The following LINGO1 variants were observed in gnomAD, a reference collection of about 807,000 sequenced individuals.
LINGO1 encodes leucine rich repeat and Ig domain containing 1, also known as leucine-rich repeat and immunoglobulin-like domain-containing nogo receptor-interacting protein 1.
Under a neutral mutation model 37.3 loss-of-function variants are expected in LINGO1, and 11 were observed. That is an observed-to-expected ratio of 0.29 (90% CI 0.19 to 0.49). The LOEUF (loss-of-function observed/expected upper bound fraction) is 0.49. Among genes scored for constraint, LINGO1 ranks in the 20% least tolerant of loss-of-function variants. LINGO1 has a pLI of 0.99. For missense variants in LINGO1, 585 were observed against 878.2 expected (o/e 0.67, Z 4.22); for synonymous variants, 387 against 403.0 (o/e 0.96, Z 0.48).
chr15:77,715,835 C>A (rs1312663893), intron 2 of LINGO1, among the ~76,000 whole-genome samples: 3 of 152,226 alleles, frequency 2.0e-5, no homozygotes, highest in Non-Finnish European at 4.4e-5. Context: ...GCTGGGACCA[C>A]TTCCTCCAGG....
At chr15:77,701,247 G>C (rs1340150725), upstream of LINGO1, among the ~76,000 whole-genome samples, 2 of 152,130 alleles carry the variant, frequency 1.3e-5, no homozygotes, top group East Asian at 3.9e-4. Context: ...AGGCCTGGGG[G>C]GTCTTTTTGG....
Position 77,736,395 on chromosome 15 carries a change from G to A in LINGO1, c.-256-1342C>T, listed in dbSNP as rs555618028. Among the ~76,000 whole-genome samples the A allele has an allele frequency of 3.5e-4, 54 of 152,320 alleles. 1 individual carries two copies. The South Asian group carries it at 0.011, about 30-fold the overall frequency. ...TGTGCCAGACCCTGGGCTGAGTGCT[G>A]TACCTCTTAACTCGTCTGATCCTAT... On this transcript the variant is annotated intron_variant, in intron 1 of 3. Coordinates refer to the LINGO1 transcript ENST00000561686.
At chr15:77,653,320 T>A (rs2074800957) in intron 3 of LINGO1, among the ~76,000 whole-genome samples, 1 of 152,168 alleles carries the variant, frequency 6.6e-6, no homozygotes, top group Non-Finnish European at 1.5e-5. Context: ...CATCTTGAAC[T>A]GACCCTAGAC....
intron 2 of LINGO1, among the ~76,000 whole-genome samples, chr15:77,688,521 A>G (rs1250989466): frequency 6.6e-6 from 1 of 152,158 alleles, no homozygotes; most frequent in East Asian, 1.9e-4. Context: ...TGGGCACTGT[A>G]CTGGGGCCAC....
chr15:77,689,601 G>T (rs546305500), intron 2 of LINGO1, among the ~76,000 whole-genome samples: 6 of 152,274 alleles, frequency 3.9e-5, no homozygotes, highest in Admixed American at 6.5e-5. Flanking sequence ...ACCTCCATGT[G>T]GGGGGTGGGA....
upstream of LINGO1, among the ~76,000 whole-genome samples, chr15:77,699,186 C>T (rs895621510): frequency 5.3e-5 from 8 of 151,940 alleles, no homozygotes; most frequent in African/African-American, 1.9e-4. Context: ...CTTGGTAGTC[C>T]CCTCGTTTCC....
In LINGO1 at chr15:77,677,616, C is replaced by T. The variant is rs138996235; in HGVS notation, c.-98-442G>A. Among the ~76,000 whole-genome samples, 402 of 152,212 alleles carry T rather than the reference C, an allele frequency of 2.6e-3. 2 individuals carry two copies. The highest frequency in any genetic ancestry group is 9.1e-3 in the African/African-American group (378 of 41,532). Reference sequence around the variant, plus strand: ...TTCACTTACAGGTCCTCAGCCCCAGCACCGCTCAAGATCCCCAGCAAGGTC... The same window carrying T: ...TTCACTTACAGGTCCTCAGCCCCAGTACCGCTCAAGATCCCCAGCAAGGTC... On this transcript the variant is annotated intron_variant, in intron 2 of 3. Coordinates refer to the LINGO1 transcript ENST00000559893.
chr15:77,732,818 G>C lies in LINGO1; in HGVS notation c.-195+2174C>G, dbSNP rs571306025. Among the ~76,000 whole-genome samples the C allele has an allele frequency of 3.0e-4, 45 of 152,190 alleles. 1 individual carries two copies. The highest frequency in any genetic ancestry group is 5.7e-4 in the Non-Finnish European group (39 of 68,044). On this transcript the variant is annotated intron_variant, in intron 2 of 3. Transcript: ENST00000561686. ...TCCCGGCTCCCATGCCCCCCAGCAC[G>C]CATGTTCAGGCTCTGATCTAGCACA...
At chr15:77,711,690 T>G (rs1318878073) in intron 2 of LINGO1, among the ~76,000 whole-genome samples, 1 of 152,212 alleles carries the variant, frequency 6.6e-6, no homozygotes, top group African/African-American at 2.4e-5. Flanking sequence ...GTACTGTCAT[T>G]CTGCTCTATT....
chr15:77,771,607 C>A (rs1225724746), intron 1 of LINGO1, among the ~76,000 whole-genome samples: 1 of 152,198 alleles, frequency 6.6e-6, no homozygotes, highest in African/African-American at 2.4e-5. Context: ...CCTCCAAGAC[C>A]CCCACCAAGT....
intron 2 of LINGO1, among the ~76,000 whole-genome samples, chr15:77,679,859 C>T (rs1049046483): frequency 1.3e-5 from 2 of 152,160 alleles, no homozygotes; most frequent in African/African-American, 4.8e-5. Flanking sequence ...AGCAACCACT[C>T]GATATGCCCC....
intron 1 of LINGO1, among the ~76,000 whole-genome samples, chr15:77,814,257 C>A (rs1294460561): frequency 7.9e-5 from 12 of 152,226 alleles, no homozygotes; most frequent in Non-Finnish European, 5.9e-5. Flanking sequence ...AGCAAGAACA[C>A]TGGACCAGGA....
At chr15:77,711,535 G>C (rs1301354693) in intron 2 of LINGO1, among the ~76,000 whole-genome samples, 1 of 152,224 alleles carries the variant, frequency 6.6e-6, no homozygotes, top group Non-Finnish European at 1.5e-5. Flanking sequence ...CTGGGGCAAA[G>C]ACAGGGAGGC....
At chr15:77,736,856 G>A (rs1362173901) in intron 1 of LINGO1, among the ~76,000 whole-genome samples, 1 of 152,202 alleles carries the variant, frequency 6.6e-6, no homozygotes, top group Non-Finnish European at 1.5e-5. Flanking sequence ...TGACCAGTAA[G>A]CCGCCTGAGT....
intron 1 of LINGO1, among the ~76,000 whole-genome samples, chr15:77,796,711 C>CT (rs59535084): frequency 0.51 from 71,967 of 142,228 alleles, 18,560 homozygotes; most frequent in South Asian, 0.6. Flanking sequence ...CCTCTCCTGC[C>CT]TTTTTTTTTT....
At chr15:77,790,080 C>A (rs1033843059), upstream of LINGO1, among the ~76,000 whole-genome samples, 1 of 152,214 alleles carries the variant, frequency 6.6e-6, no homozygotes, top group Admixed American at 6.5e-5. Context: ...CCCCTGCCGA[C>A]ACCTTGATTT....
intron 3 of LINGO1, among the ~76,000 whole-genome samples, chr15:77,663,291 TG>T (rs11292034): frequency 0.21 from 32,434 of 151,734 alleles, 3,636 homozygotes; most frequent in Non-Finnish European, 0.23. Flanking sequence ...TGGTCGGGGG[TG>T]GGGAGGCTTC....
chr15:77,665,374 C>G (rs752405399), intron 3 of LINGO1, among the ~76,000 whole-genome samples: 1 of 152,200 alleles, frequency 6.6e-6, no homozygotes, highest in Non-Finnish European at 1.5e-5. Flanking sequence ...AGGACCCCAA[C>G]ATCCTGCTAG....
At chr15:77,791,899 C>T (rs564013966), upstream of LINGO1, among the ~76,000 whole-genome samples, 5 of 152,162 alleles carry the variant, frequency 3.3e-5, no homozygotes, top group African/African-American at 1.2e-4. Flanking sequence ...ACCTTGTCTG[C>T]AAAGTTAGAG....
Sources: allele counts gnomAD v4.1 joint callset (sites outside exome capture counted in the v4.1 genomes callset), GRCh38; gene constraint gnomAD v4.1.1; transcripts MANE v1.5; gene names NCBI Gene and HGNC (gene_info 2026-07-23, HGNC 2026-07-21).